Variants in DLGAP4 observed in about 807,000 individuals in gnomAD.
DLGAP4 encodes disks large-associated protein 4.
In DLGAP4, 18 loss-of-function variants were observed where a neutral mutation model predicts 86.9. That is an observed-to-expected ratio of 0.21 (90% CI 0.14 to 0.31). The LOEUF (loss-of-function observed/expected upper bound fraction) is 0.31. Ranked by LOEUF, DLGAP4 falls within the 10% of genes least tolerant of loss-of-function variation. The pLI, the probability that DLGAP4 is intolerant of heterozygous loss-of-function variation, is 1.00. For missense variants in DLGAP4, 1,085 were observed against 1,362.6 expected (o/e 0.80, Z 3.21); for synonymous variants, 548 against 574.3 (o/e 0.95, Z 0.65).
intron 7 of DLGAP4, among the ~76,000 whole-genome samples, chr20:36,489,673 G>A (rs946553967): frequency 9.2e-5 from 14 of 152,028 alleles, no homozygotes; most frequent in African/African-American, 2.7e-4. Flanking sequence ...AGGCCAGGGG[G>A]CATCTGTGGT....
intron 2 of DLGAP4, among the ~76,000 whole-genome samples, chr20:36,399,499 G>A (rs2032094448): frequency 6.6e-6 from 1 of 152,250 alleles, no homozygotes; most frequent in South Asian, 2.1e-4. Flanking sequence ...CCCAGAGAGA[G>A]CTGGGAATGG....
At chr20:36,512,640 C>G (rs1183794599) in intron 10 of DLGAP4, 1 of 152,282 alleles carries the variant, frequency 6.6e-6, no homozygotes, top group Non-Finnish European at 1.5e-5. Flanking sequence ...AGTATAGTGT[C>G]CACTGCACAG....
chr20:36,504,499 T>C (rs955639160), intron 10 of DLGAP4, among the ~76,000 whole-genome samples: 3 of 152,214 alleles, frequency 2.0e-5, no homozygotes, highest in Admixed American at 1.3e-4. Flanking sequence ...AGTACCTGTT[T>C]TTAATTCTTT....
At chr20:36,464,946 G>A (rs549584082) in intron 7 of DLGAP4, among the ~76,000 whole-genome samples, 64 of 152,062 alleles carry the variant, frequency 4.2e-4, no homozygotes, top group Non-Finnish European at 6.0e-4. Flanking sequence ...CATTCACTGC[G>A]TTTGTAATCT....
At chr20:36,518,574 G>T (rs2037181283) in intron 10 of DLGAP4, among the ~76,000 whole-genome samples, 1 of 152,036 alleles carries the variant, frequency 6.6e-6, no homozygotes, top group Non-Finnish European at 1.5e-5. Context: ...AACTTCCACT[G>T]TGATTTCTTT....
chr20:36,309,187 C>T (rs2065031700), intron 1 of DLGAP4, among the ~76,000 whole-genome samples: 2 of 152,194 alleles, frequency 1.3e-5, no homozygotes, highest in Non-Finnish European at 2.9e-5. Flanking sequence ...CAAAAGAAAG[C>T]CTTCCTCGAT....
intron 11 of DLGAP4, 64 bp downstream of exon 11, chr20:36,524,405 C>T: frequency 1.4e-6 from 2 of 1,423,104 alleles, no homozygotes; most frequent in Non-Finnish European, 1.9e-6. Flanking sequence ...CTATACTCTG[C>T]CAGCCCCTCG....
At chr20:36,406,010 G>C (rs2032308052) in intron 2 of DLGAP4, among the ~76,000 whole-genome samples, 1 of 152,148 alleles carries the variant, frequency 6.6e-6, no homozygotes, top group African/African-American at 2.4e-5. Flanking sequence ...TGCGGCATTT[G>C]CTGTTGGAAG....
chr20:36,330,819 C>T (rs1350792041), intron 1 of DLGAP4, among the ~76,000 whole-genome samples: 1 of 152,166 alleles, frequency 6.6e-6, no homozygotes, highest in Non-Finnish European at 1.5e-5. Context: ...TGATTCTGCC[C>T]ACCTCAGCCT....
chr20:36,479,979 G>A (rs1037335073), intron 7 of DLGAP4, among the ~76,000 whole-genome samples: 3 of 152,110 alleles, frequency 2.0e-5, no homozygotes, highest in African/African-American at 4.8e-5. Flanking sequence ...TCAGGCAATT[G>A]TAATGACAGT....
intron 1 of DLGAP4, among the ~76,000 whole-genome samples, chr20:36,354,785 GA>G (rs1408626979): frequency 2.6e-5 from 4 of 151,884 alleles, no homozygotes; most frequent in Admixed American, 1.3e-4. Flanking sequence ...AAAAAGAAAA[GA>G]AAAAAATTGG....
rs75362772 is a variant in DLGAP4 at position 36,390,249 on chromosome 20, G to A, written c.-73+22974G>A. Among the ~76,000 whole-genome samples, 891 of 152,288 alleles carry A rather than the reference G, an allele frequency of 5.9e-3. 7 individuals are homozygous for A. Among genetic ancestry groups the A allele is most frequent in the African/African-American group, 0.019 (808 of 41,548 alleles). ...CATCAGACCCAGCCTGAGAAGGAGC[G>A]TCGTCCACAGCCTGTTACAGATAAA... is the stretch of plus-strand genomic sequence containing the variant. On this transcript the variant is annotated intron_variant, in intron 2 of 12. Coordinates refer to ENST00000339266, the MANE Select transcript of DLGAP4 (RefSeq NM_001365621.2).
At chr20:36,394,485 G>A (rs997836082) in intron 2 of DLGAP4, among the ~76,000 whole-genome samples, 17 of 152,170 alleles carry the variant, frequency 1.1e-4, no homozygotes, top group African/African-American at 3.4e-4. Flanking sequence ...CATCTCCCCC[G>A]GGGCATGACG....
At chr20:36,518,040 G>GT (rs1237864319) in intron 10 of DLGAP4, among the ~76,000 whole-genome samples, 1 of 152,130 alleles carries the variant, frequency 6.6e-6, no homozygotes, top group African/African-American at 2.4e-5. Context: ...GGCCAACATG[G>GT]TGAAACCCCA....
chr20:36,376,143 C>G (rs544119207), intron 2 of DLGAP4, among the ~76,000 whole-genome samples: 2 of 151,732 alleles, frequency 1.3e-5, no homozygotes, highest in South Asian at 4.2e-4. Context: ...GGATTACAGG[C>G]TTGAGCTACT....
At chr20:36,520,162 T>C (rs529080155) in intron 10 of DLGAP4, among the ~76,000 whole-genome samples, 43 of 152,296 alleles carry the variant, frequency 2.8e-4, no homozygotes, top group African/African-American at 1.0e-3. Flanking sequence ...GTTGAGATGT[T>C]GAGCATATTT....
At chr20:36,433,309 T>C (rs942908440) in intron 3 of DLGAP4, among the ~76,000 whole-genome samples, 1 of 151,816 alleles carries the variant, frequency 6.6e-6, no homozygotes, top group African/African-American at 2.4e-5. Flanking sequence ...GCACCAAGAG[T>C]TGCAGGGGCC....
rs145495434 is a variant in DLGAP4 at position 36,430,556 on chromosome 20, A to G, written c.-72-1090A>G. On this transcript the variant is annotated intron_variant, in intron 2 of 12. Transcript: ENST00000339266. ...TCTCTAGGCAGGCACAGTGGCCCAC[A>G]GCTATAATCCCAGCACTTTGGGAGA... 1.5e-3 allele frequency among the ~76,000 whole-genome samples: 231 copies of G among 150,940 alleles called. 1 individual carries two copies. The highest frequency in any genetic ancestry group is 5.4e-3 in the African/African-American group (223 of 41,126).
chr20:36,397,753 T>C (rs905246793), intron 2 of DLGAP4, among the ~76,000 whole-genome samples: 1 of 152,254 alleles, frequency 6.6e-6, no homozygotes, highest in African/African-American at 2.4e-5. Flanking sequence ...TTCAAACGTA[T>C]GGGTAATTTT....
Sources: gnomAD v4.1 joint callset for allele counts (sites outside exome capture counted in the v4.1 genomes callset) on GRCh38, gnomAD v4.1.1 for gene constraint, MANE v1.5 for transcripts, NCBI Gene and HGNC (gene_info 2026-07-23, HGNC 2026-07-21) for gene names.